SLX4IP: variants seen among roughly 807,000 people sequenced by gnomAD.
SLX4IP encodes protein SLX4IP.
Under a neutral mutation model 32.9 loss-of-function variants are expected in SLX4IP, and 34 were observed. The observed-to-expected ratio is 1.03, with a 90% CI of 0.79 to 1.38. The LOEUF (loss-of-function observed/expected upper bound fraction) is 1.38, where lower values mean the gene tolerates loss of function less well. Among genes scored for constraint, SLX4IP ranks in the 40% most tolerant of loss-of-function variants. SLX4IP has a pLI of 0.00. For synonymous variants in SLX4IP, 172 were observed against 171.7 expected (o/e 1.00, Z -0.01); for missense variants, 444 against 479.0 (o/e 0.93, Z 0.68).
At chr20:10,539,720 G>C (rs1260039216) in intron 2 of SLX4IP, among the ~76,000 whole-genome samples, 1 of 152,154 alleles carries the variant, frequency 6.6e-6, no homozygotes, top group Non-Finnish European at 1.5e-5. Flanking sequence ...AATAGTTGAA[G>C]GTAATCATCT....
At chr20:10,547,287 G>GTTTTAC (rs745901059) in intron 2 of SLX4IP, among the ~76,000 whole-genome samples, 1 of 88,016 alleles carries the variant, frequency 1.1e-5, no homozygotes, top group Middle Eastern at 6.3e-3. Flanking sequence ...TTTCCTTTGT[G>GTTTTAC]TTTTTATCTT....
intron 6 of SLX4IP, among the ~76,000 whole-genome samples, chr20:10,612,417 T>C (rs533836721): frequency 6.6e-6 from 1 of 152,300 alleles, no homozygotes; most frequent in Admixed American, 6.5e-5. Flanking sequence ...CGATCAACTC[T>C]GGGTGTATCA....
intron 2 of SLX4IP, among the ~76,000 whole-genome samples, chr20:10,535,407 C>T (rs889048187): frequency 2.0e-5 from 3 of 152,048 alleles, no homozygotes; most frequent in Non-Finnish European, 4.4e-5. Context: ...CTGAAACCTC[C>T]GCCTCCTGGG....
chr20:10,559,614 A>G (rs1015170521), intron 3 of SLX4IP, among the ~76,000 whole-genome samples: 1 of 152,178 alleles, frequency 6.6e-6, no homozygotes, highest in African/African-American at 2.4e-5. Flanking sequence ...TTTCTACATT[A>G]GGTCACAATT....
At position 10,479,727 on chromosome 20, in the gene SLX4IP, C is replaced by T. The variant is rs141912507; in HGVS notation, c.27+21496C>T. Reference sequence around the variant, plus strand: ...TATTTAAAAACAGGCAAACAGAGGCCGGGTGTGGTGGCTCACGCCTGTAAT... The same window carrying T: ...TATTTAAAAACAGGCAAACAGAGGCTGGGTGTGGTGGCTCACGCCTGTAAT... On this transcript the variant is annotated intron_variant, in intron 2 of 7. Coordinates refer to ENST00000334534, the MANE Select transcript of SLX4IP (RefSeq NM_001009608.3). 2.5e-3 allele frequency among the ~76,000 whole-genome samples: 379 copies of T among 149,694 alleles called. 1 individual carries two copies. Among genetic ancestry groups the T allele is most frequent in the Non-Finnish European group, 4.0e-3 (268 of 67,624 alleles).
At chr20:10,515,941 T>C (rs1431824913) in intron 2 of SLX4IP, among the ~76,000 whole-genome samples, 1 of 152,136 alleles carries the variant, frequency 6.6e-6, no homozygotes, top group Admixed American at 6.5e-5. Context: ...TGGGTTGGAG[T>C]ACACTGGCGT....
At chr20:10,615,846 C>A (rs1311216509) in intron 6 of SLX4IP, among the ~76,000 whole-genome samples, 2 of 152,162 alleles carry the variant, frequency 1.3e-5, no homozygotes, top group East Asian at 3.9e-4. Context: ...ACAGTGTCCC[C>A]ACAAAGTGGA....
At position 10,623,519 on chromosome 20, in the gene SLX4IP, T is replaced by C; in HGVS notation, c.*140T>C. 1 of 1,279,214 alleles carries C rather than the reference T, an allele frequency of 7.8e-7. No individual in the cohort carries two copies. Among genetic ancestry groups the C allele is most frequent in the Non-Finnish European group, 1.0e-6 (1 of 953,332 alleles). 79.2% of individuals were successfully genotyped at this position (1,279,214 alleles called of 1,614,324 possible). ...AATAGGAAGTGTGTTATCTGTGTTA[T>C]GGCTATGGTTTGTTTTCAAAGCATT... On this transcript the variant is annotated 3_prime_UTR_variant, in exon 8 of 8. Transcript: ENST00000334534.
chr20:10,479,725 G>A (rs2065505979), intron 2 of SLX4IP, among the ~76,000 whole-genome samples: 1 of 151,792 alleles, frequency 6.6e-6, no homozygotes, highest in African/African-American at 2.4e-5. Context: ...GCAAACAGAG[G>A]CCGGGTGTGG....
At chr20:10,551,421 C>T (rs1181291594) in intron 2 of SLX4IP, among the ~76,000 whole-genome samples, 1 of 152,186 alleles carries the variant, frequency 6.6e-6, no homozygotes, top group Non-Finnish European at 1.5e-5. Flanking sequence ...TTAGAGCTCT[C>T]CCTTTGCAGA....
At chr20:10,547,656 T>C (rs961306511) in intron 2 of SLX4IP, among the ~76,000 whole-genome samples, 4 of 152,240 alleles carry the variant, frequency 2.6e-5, no homozygotes. Flanking sequence ...ATTCTGTGCA[T>C]ACCTGGGGCA....
intron 2 of SLX4IP, among the ~76,000 whole-genome samples, chr20:10,488,534 A>T (rs2065593285): frequency 6.6e-6 from 1 of 152,138 alleles, no homozygotes; most frequent in African/African-American, 2.4e-5. Flanking sequence ...TTTATATCAT[A>T]GCCTCAGGAA....
chr20:10,459,765 A>G (rs559923342), intron 2 of SLX4IP, among the ~76,000 whole-genome samples: 7 of 152,264 alleles, frequency 4.6e-5, no homozygotes, highest in Admixed American at 1.3e-4. Context: ...AGACCTTCTC[A>G]GGTGTGGATA....
At chr20:10,461,521 C>G (rs1355961899) in intron 2 of SLX4IP, among the ~76,000 whole-genome samples, 3 of 152,224 alleles carry the variant, frequency 2.0e-5, no homozygotes, top group African/African-American at 7.2e-5. Flanking sequence ...ACCAGTGGTT[C>G]TCTAATCATG....
chr20:10,561,165 G>A (rs1474008937), intron 4 of SLX4IP, among the ~76,000 whole-genome samples: 1 of 152,160 alleles, frequency 6.6e-6, no homozygotes, highest in Non-Finnish European at 1.5e-5. Flanking sequence ...TGTATACAAT[G>A]TGTAATTTTC....
chr20:10,464,604 C>G (rs74407966), intron 2 of SLX4IP, among the ~76,000 whole-genome samples: 3,362 of 152,186 alleles, frequency 0.022, 63 homozygotes, highest in Middle Eastern at 0.041. Context: ...CCACTTTTGA[C>G]TGGGTTGAAA....
At chr20:10,616,913 A>T (rs946927326) in intron 6 of SLX4IP, among the ~76,000 whole-genome samples, 1 of 152,198 alleles carries the variant, frequency 6.6e-6, no homozygotes, top group African/African-American at 2.4e-5. Context: ...GGCCTCAAGC[A>T]TTGCCAGGTA....
At chr20:10,513,788 C>G (rs2065829573) in intron 2 of SLX4IP, among the ~76,000 whole-genome samples, 1 of 152,212 alleles carries the variant, frequency 6.6e-6, no homozygotes, top group South Asian at 2.1e-4. Flanking sequence ...TGCAGCACAG[C>G]ATCTGCCTGG....
intron 2 of SLX4IP, among the ~76,000 whole-genome samples, chr20:10,510,791 A>G (rs950014269): frequency 2.0e-5 from 3 of 152,026 alleles, no homozygotes; most frequent in African/African-American, 7.2e-5. Context: ...TTTTTAGTAG[A>G]GACAGGGTTT....
Sources: allele counts gnomAD v4.1 joint callset (sites outside exome capture counted in the v4.1 genomes callset), GRCh38; gene constraint gnomAD v4.1.1; transcripts MANE v1.5; gene names NCBI Gene and HGNC (gene_info 2026-07-23, HGNC 2026-07-21).